The following JADE3 variants were observed in gnomAD, a reference collection of about 807,000 sequenced individuals.
JADE3 encodes jade family PHD finger 3, also known as protein Jade-3.
JADE3 carries 2 observed loss-of-function variants against 50.1 expected under a neutral mutation model. That is an observed-to-expected ratio of 0.04 (90% CI 0.02 to 0.13). The LOEUF (loss-of-function observed/expected upper bound fraction) is 0.13. Among genes scored for constraint, JADE3 ranks in the 10% least tolerant of loss-of-function variants. The probability of loss-of-function intolerance (pLI) is 1.00; values close to 1 mark genes in which losing one functional copy is unlikely to be tolerated. For synonymous variants in JADE3, 218 were observed against 232.9 expected, an observed-to-expected ratio of 0.94 and a Z score of 0.58; for missense variants, 475 against 634.4, an observed-to-expected ratio of 0.75 and a Z score of 2.70.
In JADE3 at chrX:47,007,805, TTTTGTGTGTGTG is replaced by T. The variant is rs1429284129; in HGVS notation, c.284+9530_284+9541del. Among the ~76,000 whole-genome samples the T allele has an allele frequency of 5.0e-3, 401 of 79,838 alleles. 2 individuals are homozygous for T. Among genetic ancestry groups the T allele is most frequent in the African/African-American group, 0.018 (365 of 20,606 alleles). 69.3% of individuals were successfully genotyped at this position (79,838 alleles called of 115,157 possible). A position where few individuals can be genotyped will look rare whatever the true frequency, so the allele number is the denominator to read the frequency against. On this transcript the variant is annotated intron_variant, in intron 4 of 10. Coordinates refer to ENST00000614628, the MANE Select transcript of JADE3 (RefSeq NM_014735.5). The stretch of plus-strand genomic sequence containing the variant: ...GTTAGGACTTCAGCGTGTCCTTTTA[TTTTGTGTGTGTG>T]TGTGTGTGTGTGTGTGTGTGTGTGT...
intron 1 of JADE3, among the ~76,000 whole-genome samples, chrX:46,969,330 T>A (rs1927433577): frequency 9.0e-6 from 1 of 111,469 alleles, no homozygotes; most frequent in African/African-American, 3.3e-5. Context: ...GCACGAGAAT[T>A]GCTTTAACCC....
chrX:47,035,761 C>T (rs1164600645), intron 7 of JADE3, among the ~76,000 whole-genome samples: 1 of 110,135 alleles, frequency 9.1e-6, no homozygotes, highest in African/African-American at 3.3e-5. Context: ...ATATATTTGG[C>T]GGGGTGGGGG....
At chrX:47,054,129 C>A in intron 8 of JADE3, 29 bp from the exon 9 acceptor site, 2 of 1,047,780 alleles carry the variant, frequency 1.9e-6, no homozygotes, top group Non-Finnish European at 2.6e-6. Flanking sequence ...TCCAACTCTG[C>A]TACCTTGACA....
chrX:47,021,858 A>G (rs930584187), intron 4 of JADE3, among the ~76,000 whole-genome samples: 1 of 112,005 alleles, frequency 8.9e-6, no homozygotes, highest in African/African-American at 3.2e-5. Flanking sequence ...TCTATGTGCA[A>G]TTGCAAATAT....
intron 1 of JADE3, among the ~76,000 whole-genome samples, chrX:46,917,903 TC>T: frequency 1.1e-5 from 1 of 87,480 alleles, no homozygotes; most frequent in Non-Finnish European, 2.2e-5. Context: ...CTCTCTCTCA[TC>T]CTCTCTCATC....
At chrX:47,049,301 C>A (rs1929449724) in intron 8 of JADE3, among the ~76,000 whole-genome samples, 1 of 105,974 alleles carries the variant, frequency 9.4e-6, no homozygotes, top group Non-Finnish European at 1.9e-5. Context: ...AATTCTCTGC[C>A]TCAGCCTCCT....
intron 1 of JADE3, among the ~76,000 whole-genome samples, chrX:46,917,823 C>CA (rs1556336741): frequency 3.6e-4 from 27 of 76,048 alleles, no homozygotes; most frequent in Admixed American, 1.1e-3. Context: ...CTCTCTCTCA[C>CA]TCTCTCTCAT....
chrX:46,986,255 T>C (rs896641260), intron 3 of JADE3, among the ~76,000 whole-genome samples: 16 of 112,429 alleles, frequency 1.4e-4, no homozygotes, highest in African/African-American at 4.8e-4. Flanking sequence ...TTTAAAAATA[T>C]AAATGTCTGC....
At chrX:46,995,743 C>G (rs1231226207) in intron 3 of JADE3, among the ~76,000 whole-genome samples, 1 of 111,406 alleles carries the variant, frequency 9.0e-6, no homozygotes, top group Non-Finnish European at 1.9e-5. Flanking sequence ...ACTGACATTC[C>G]CATCCACTCA....
chrX:47,035,854 C>T (rs782126859), intron 7 of JADE3, among the ~76,000 whole-genome samples: 5 of 111,684 alleles, frequency 4.5e-5, no homozygotes, highest in Non-Finnish European at 9.4e-5. Context: ...TAAAAAACAT[C>T]CCTTTCTGCT....
At chrX:47,042,359 A>T (rs782537352) in intron 8 of JADE3, among the ~76,000 whole-genome samples, 49 of 111,711 alleles carry the variant, frequency 4.4e-4, no homozygotes, top group African/African-American at 1.6e-3. Flanking sequence ...TATCTGCCCT[A>T]GTAGACTGTA....
intron 1 of JADE3, among the ~76,000 whole-genome samples, chrX:46,948,747 C>G (rs782268442): frequency 9.0e-6 from 1 of 111,303 alleles, no homozygotes; most frequent in African/African-American, 3.3e-5. Context: ...CTTACACATT[C>G]AACCAGTGCC....
At position 46,995,160 on chromosome X, in the gene JADE3, G is replaced by A. The variant is rs1031900491; in HGVS notation, c.127-2960G>A. 3.7e-5 allele frequency among the ~76,000 whole-genome samples: 4 copies of A among 108,573 alleles called. No individual in the cohort carries two copies. The East Asian group carries it at 1.2e-3, about 31-fold the overall frequency. The allele number at this position is 108,573 out of a possible 115,157, so 94.3% of individuals were successfully genotyped here. A position where few individuals can be genotyped will look rare whatever the true frequency, so the allele number is the denominator to read the frequency against. On this transcript the variant is annotated intron_variant, in intron 3 of 10. Coordinates refer to ENST00000614628, the MANE Select transcript of JADE3 (RefSeq NM_014735.5). ...TTCTCCTGCCTCAGTCTCCCTAGTA[G>A]CTGGGTCTACAGGCACCCGCCACCA...
At chrX:47,000,469 CT>C (rs1439439483) in intron 4 of JADE3, among the ~76,000 whole-genome samples, 1 of 111,556 alleles carries the variant, frequency 9.0e-6, no homozygotes, top group African/African-American at 3.3e-5. Flanking sequence ...CCCTGTACCA[CT>C]TTAAAAATGT....
chrX:46,914,404 A>AT (rs1432171895), intron 1 of JADE3, among the ~76,000 whole-genome samples: 14 of 111,336 alleles, frequency 1.3e-4, no homozygotes, highest in Non-Finnish European at 2.3e-4. Context: ...GTAAAAATAG[A>AT]TTTTTTTTCT....
At chrX:46,958,300 C>T (rs1412603704) in intron 1 of JADE3, among the ~76,000 whole-genome samples, 1 of 112,321 alleles carries the variant, frequency 8.9e-6, no homozygotes, top group Non-Finnish European at 1.9e-5. Flanking sequence ...AGTGACTTTA[C>T]ATATGTTCTA....
At chrX:47,041,781 T>G (rs1230449308) in intron 8 of JADE3, among the ~76,000 whole-genome samples, 1 of 109,099 alleles carries the variant, frequency 9.2e-6, no homozygotes, top group African/African-American at 3.3e-5. Flanking sequence ...GTTCAAGTGA[T>G]TCCCCTGCCT....
chrX:47,023,777 C>G (rs1487222728), intron 4 of JADE3, among the ~76,000 whole-genome samples: 8 of 111,991 alleles, frequency 7.1e-5, no homozygotes, highest in African/African-American at 2.6e-4. Flanking sequence ...CGTGGTGGCA[C>G]TTGCCTGTAA....
intron 1 of JADE3, among the ~76,000 whole-genome samples, chrX:46,923,048 C>T (rs898755528): frequency 8.1e-5 from 9 of 110,720 alleles, no homozygotes; most frequent in African/African-American, 2.3e-4. Flanking sequence ...GGTCTCTCTC[C>T]GTTACCCAGG....
Sources: allele counts gnomAD v4.1 joint callset (sites outside exome capture counted in the v4.1 genomes callset), GRCh38; gene constraint gnomAD v4.1.1; transcripts MANE v1.5; gene names NCBI Gene and HGNC (gene_info 2026-07-23, HGNC 2026-07-21).